TSPEAR: variants seen among roughly 807,000 people sequenced by gnomAD.
TSPEAR encodes thrombospondin type laminin G domain and EAR repeats.
In TSPEAR, 69 loss-of-function variants were observed where a neutral mutation model predicts 71.6. The ratio of observed to expected loss-of-function variants is 0.96; its 90% CI spans 0.79 to 1.18. TSPEAR has a LOEUF of 1.18. TSPEAR is among the 50% of genes most tolerant of loss of function. TSPEAR has a pLI of 0.00. For synonymous variants in TSPEAR, 402 were observed against 387.2 expected, an observed-to-expected ratio of 1.04 and a Z score of -0.45; for missense variants, 971 against 894.9, an observed-to-expected ratio of 1.09 and a Z score of -1.09.
chr21:44,655,407 T>G (rs1239626387), intron 1 of TSPEAR, among the ~76,000 whole-genome samples: 1 of 152,202 alleles, frequency 6.6e-6, no homozygotes, highest in South Asian at 2.1e-4. Context: ...ATCAGCCACG[T>G]TGGCGTCTGC....
intron 9 of TSPEAR, chr21:44,519,731 GCTTGGCTTGATCCCAGTTCTGC>G (rs587642101): frequency 6.6e-6 from 1 of 152,432 alleles, no homozygotes; most frequent in African/African-American, 2.4e-5. Flanking sequence ...AGGCCGCATT[GCTTGGCTTGATCCCAGTTCTGC>G]CACGGGCAAA....
chr21:44,667,561 TAA>T (rs1985852617), intron 1 of TSPEAR, among the ~76,000 whole-genome samples: 1 of 152,142 alleles, frequency 6.6e-6, no homozygotes, highest in African/African-American at 2.4e-5. Flanking sequence ...GACACAGCTC[TAA>T]GGAAATCAAG....
intron 1 of TSPEAR, among the ~76,000 whole-genome samples, chr21:44,652,964 G>A (rs1305067395): frequency 3.9e-5 from 6 of 151,960 alleles, no homozygotes; most frequent in African/African-American, 1.5e-4. Flanking sequence ...AAACCATCCT[G>A]GCTAACACGG....
At chr21:44,543,726 G>A (rs1016574128) in intron 2 of TSPEAR, among the ~76,000 whole-genome samples, 5 of 152,202 alleles carry the variant, frequency 3.3e-5, no homozygotes, top group Admixed American at 1.3e-4. Flanking sequence ...CCCAAGGTTT[G>A]CTGGGTGCCA....
At chr21:44,627,502 G>C (rs781867796) in intron 1 of TSPEAR, 32 of 1,533,706 alleles carry the variant, frequency 2.1e-5, no homozygotes, top group Non-Finnish European at 2.5e-5. Context: ...TGTGTGCTGC[G>C]TGCCCGTCTG....
In TSPEAR at chr21:44,550,562, G is replaced by A. The variant is rs182270646; in HGVS notation, c.304-16639C>T. 7.6e-4 allele frequency: 1,060 copies of A among 1,385,944 alleles called. 2 individuals carry two copies. Among genetic ancestry groups the A allele is most frequent in the Admixed American group, 1.0e-3 (44 of 43,214 alleles). The allele number at this position is 1,385,944 out of a possible 1,614,324, so 85.9% of individuals were successfully genotyped here. On this transcript the variant is annotated intron_variant, in intron 2 of 11. Transcript: ENST00000323084. ...GGAGCCAGTGAGCATCTGAGACCCC[G>A]GGGCTGGGCGGCTGTGGCTGGGGCT...
At chr21:44,567,183 A>C (rs1184459571) in intron 2 of TSPEAR, among the ~76,000 whole-genome samples, 2 of 152,190 alleles carry the variant, frequency 1.3e-5, no homozygotes, top group Non-Finnish European at 2.9e-5. Flanking sequence ...TCCACGAAAA[A>C]CTGGGCAAAA....
At chr21:44,677,379 A>AC in intron 1 of TSPEAR, 1 of 1,403,394 alleles carries the variant, frequency 7.1e-7, no homozygotes. Context: ...GTGTGCATTG[A>AC]CAGCCTGGAC....
Position 44,615,491 on chromosome 21 carries a change from T to C in TSPEAR, c.83-47486A>G, listed in dbSNP as rs182083944. ...AAAGACATTTTTACCATGGAATTAATGACAGCGGGGATCTCACCACCCAGC... is the reference window on the plus strand; with the variant it reads ...AAAGACATTTTTACCATGGAATTAACGACAGCGGGGATCTCACCACCCAGC... On this transcript the variant is annotated intron_variant, in intron 1 of 11. Transcript: ENST00000323084. Among the ~76,000 whole-genome samples the C allele has an allele frequency of 5.9e-5, 9 of 152,110 alleles. No individual in the cohort carries two copies. In the East Asian group the frequency reaches 1.7e-3, roughly 29 times the overall value.
chr21:44,551,485 G>A (rs2053436144), intron 2 of TSPEAR: 2 of 1,393,028 alleles, frequency 1.4e-6, no homozygotes, highest in Non-Finnish European at 1.9e-6. Flanking sequence ...GGTGAGCTGG[G>A]GGAGGTGTGT....
At chr21:44,559,390 G>A (rs1259876384) in intron 2 of TSPEAR, among the ~76,000 whole-genome samples, 1 of 152,206 alleles carries the variant, frequency 6.6e-6, no homozygotes, top group African/African-American at 2.4e-5. Context: ...GAGCAGGGAG[G>A]CAGCTGCAGG....
rs17004662 is a variant in TSPEAR at position 44,527,074 on chromosome 21, C to T, written c.1149+218G>A. Among the ~76,000 whole-genome samples the T allele has an allele frequency of 0.041, 6,242 of 152,222 alleles. 438 individuals are homozygous for T. Among genetic ancestry groups the T allele is most frequent in the African/African-American group, 0.14 (5,893 of 41,504 alleles). On this transcript the variant is annotated intron_variant, in intron 7 of 11. Coordinates refer to ENST00000323084, the MANE Select transcript of TSPEAR (RefSeq NM_144991.3). ...GATGGCATGTGGGAAATGGTCTGGT[C>T]GTCCGTTTTGCGGGAGCCAAGCAGA...
chr21:44,600,011 C>T (rs1980673095), intron 1 of TSPEAR, among the ~76,000 whole-genome samples: 1 of 152,232 alleles, frequency 6.6e-6, no homozygotes, highest in Non-Finnish European at 1.5e-5. Context: ...CCCCCAGGAA[C>T]TACTGTGAAC....
rs587665169 is a variant in TSPEAR at position 44,655,305 on chromosome 21, C to T, written c.82+56128G>A. 2.6e-5 allele frequency among the ~76,000 whole-genome samples: 4 copies of T among 152,284 alleles called. No individual in the cohort carries two copies. In the South Asian group the frequency reaches 6.2e-4, roughly 24 times the overall value. ...TCACTCTGGGATCCATGGTCGTTAC[C>T]ACTGTGCCAAATTATACTAGGGCTT... is the stretch of plus-strand genomic sequence containing the variant. On this transcript the variant is annotated intron_variant, in intron 1 of 11. Transcript: ENST00000323084.
intron 1 of TSPEAR, chr21:44,601,415 G>A (rs1555928742): frequency 6.2e-7 from 1 of 1,612,486 alleles, no homozygotes; most frequent in Admixed American, 1.7e-5. Context: ...CAGCAGGGCT[G>A]CTGCGTGCCC....
At chr21:44,503,337 C>CG (rs1326344943) in intron 11 of TSPEAR, among the ~76,000 whole-genome samples, 1 of 124,666 alleles carries the variant, frequency 8.0e-6, no homozygotes, top group Non-Finnish European at 1.7e-5. Context: ...GGTGAGCCCT[C>CG]GGGGGGAAGC....
At chr21:44,573,171 C>T (rs1224866168) in intron 1 of TSPEAR, among the ~76,000 whole-genome samples, 4 of 152,118 alleles carry the variant, frequency 2.6e-5, no homozygotes, top group Non-Finnish European at 5.9e-5. Context: ...AACCATGACT[C>T]ACATTATCTT....
chr21:44,580,232 C>T, intron 1 of TSPEAR: 1 of 1,613,988 alleles, frequency 6.2e-7, no homozygotes, highest in African/African-American at 1.3e-5. Flanking sequence ...AGTTGGCTGG[C>T]AGCTAGACTG....
Position 44,506,407 on chromosome 21 carries a change from G to A in TSPEAR, c.1755-1526C>T, listed in dbSNP as rs2052203017. 6.6e-6 allele frequency among the ~76,000 whole-genome samples: 1 copy of A among 152,282 alleles called. No homozygotes were observed. The highest frequency in any genetic ancestry group is 2.4e-5 in the African/African-American group (1 of 41,482). ...CTCTGTATTCAGCAGCCTCAGGGCT[G>A]TGGCCAGTTCAGGCAGCAGAGGGGC... On this transcript the variant is annotated intron_variant, in intron 10 of 11. Coordinates refer to ENST00000323084, the MANE Select transcript of TSPEAR (RefSeq NM_144991.3). The surrounding 1 kb of genome is among the most constrained non-coding windows in gnomAD (Gnocchi z 4.2).
Sources: allele counts gnomAD v4.1 joint callset (sites outside exome capture counted in the v4.1 genomes callset), GRCh38; gene constraint gnomAD v4.1.1; non-coding constraint Gnocchi (gnomAD v3.1); transcripts MANE v1.5; gene names NCBI Gene and HGNC (gene_info 2026-07-23, HGNC 2026-07-21).